The following MSH3 variants were observed in gnomAD, a reference collection of about 807,000 sequenced individuals.
MSH3 encodes DNA mismatch repair protein Msh3.
MSH3 carries 106 observed loss-of-function variants against 123.3 expected under a neutral mutation model. The ratio of observed to expected loss-of-function variants is 0.86; its 90% CI spans 0.73 to 1.01. The LOEUF is 1.01. Among genes scored for constraint, MSH3 ranks in the 50% least tolerant of loss-of-function variants. MSH3 has a pLI of 0.00. For missense variants in MSH3, 1,459 were observed against 1,347.6 expected, an observed-to-expected ratio of 1.08 and a Z score of -1.29; for synonymous variants, 515 against 481.4, an observed-to-expected ratio of 1.07 and a Z score of -0.91.
intron 21 of MSH3, among the ~76,000 whole-genome samples, chr5:80,854,804 A>G (rs140798443): frequency 2.9e-4 from 44 of 152,330 alleles, no homozygotes; most frequent in African/African-American, 9.6e-4. Flanking sequence ...GGTTGTACGA[A>G]AAAGGCCTTC....
In MSH3 at chr5:80,806,471, T is replaced by C. The variant is rs1381209672; in HGVS notation, c.2656-7113T>C. On this transcript the variant is annotated intron_variant, in intron 19 of 23. Coordinates refer to ENST00000265081, the MANE Select transcript of MSH3 (RefSeq NM_002439.5). ...TTTCTATATGGATAATCAATTGTTT[T>C]GTACCAGTTTTCAAATCATCCTTTT... Among the ~76,000 whole-genome samples, 3 of 152,386 alleles carry C rather than the reference T, an allele frequency of 2.0e-5. No individual in the cohort carries two copies. The East Asian group carries it at 5.8e-4, about 29-fold the overall frequency.
intron 21 of MSH3, among the ~76,000 whole-genome samples, chr5:80,859,570 T>A (rs1745975215): frequency 1.3e-5 from 2 of 152,194 alleles, no homozygotes; most frequent in South Asian, 4.1e-4. Flanking sequence ...TCAAAGTGAT[T>A]ATTGATAGAG....
intron 12 of MSH3, among the ~76,000 whole-genome samples, chr5:80,748,546 G>A (rs969288949): frequency 4.1e-4 from 62 of 152,010 alleles, no homozygotes; most frequent in African/African-American, 1.5e-3. Flanking sequence ...ATTCTTCAGT[G>A]TAGTTGTTTT....
At chr5:80,742,542 T>C (rs1025924906) in intron 11 of MSH3, among the ~76,000 whole-genome samples, 11 of 152,220 alleles carry the variant, frequency 7.2e-5, no homozygotes, top group African/African-American at 2.7e-4. Flanking sequence ...GTTAAAACTC[T>C]TCAGAAATAT....
chr5:80,868,010 G>A (rs1485883099), intron 22 of MSH3, among the ~76,000 whole-genome samples: 2 of 152,062 alleles, frequency 1.3e-5, no homozygotes, highest in African/African-American at 4.8e-5. Context: ...CCTATGTACA[G>A]AATGATAAAA....
chr5:80,700,698 T>A (rs1397620248), intron 8 of MSH3, among the ~76,000 whole-genome samples: 1 of 152,186 alleles, frequency 6.6e-6, no homozygotes, highest in Non-Finnish European at 1.5e-5. Flanking sequence ...ACATTTGCCA[T>A]GAGTTTATTT....
rs2112808989 is a variant in MSH3 at position 80,665,353 on chromosome 5, T to C, written c.569T>C (p.Ile190Thr). 6.2e-7 allele frequency: 1 copy of C among 1,611,500 alleles called. No individual in the cohort carries two copies. Among genetic ancestry groups the C allele is most frequent in the South Asian group, 1.1e-5 (1 of 90,944 alleles). The change falls in exon 3 of 24, where the codon ATT becomes ACT. Residue 190 changes from isoleucine to threonine, a missense_variant. By Grantham distance (89) the Ile-to-Thr change is moderately conservative. Coordinates refer to ENST00000265081, the MANE Select transcript of MSH3 (RefSeq NM_002439.5). ...TCTTCTGAAGATTCGAAACGTCAAA[T>C]TAATCAAAAGGTATGTAACTGCTAT... is the stretch of plus-strand genomic sequence containing the variant. ...AVSSEDSKRQINQKDTTLFDL... is the reference protein window; with the variant it reads ...AVSSEDSKRQTNQKDTTLFDL...
At chr5:80,827,813 ATCT>A (rs1646453804) in intron 20 of MSH3, among the ~76,000 whole-genome samples, 1 of 152,214 alleles carries the variant, frequency 6.6e-6, no homozygotes, top group African/African-American at 2.4e-5. Context: ...TCCCAGGCAA[ATCT>A]TCTGATTGAA....
At chr5:80,831,691 C>CAA (rs201171665) in intron 20 of MSH3, among the ~76,000 whole-genome samples, 103 of 122,672 alleles carry the variant, frequency 8.4e-4, no homozygotes, top group Middle Eastern at 4.5e-3. Flanking sequence ...ATGTAATATC[C>CAA]AAAAAAAAAA....
At position 80,744,497 on chromosome 5, in the gene MSH3, CT is replaced by C; in HGVS notation, c.1654-6del. 6.2e-7 allele frequency: 1 copy of C among 1,601,240 alleles called. No individual in the cohort carries two copies. Among genetic ancestry groups the C allele is most frequent in the Non-Finnish European group, 8.6e-7 (1 of 1,169,296 alleles). The stretch of plus-strand genomic sequence containing the variant: ...TAGTTAATAAAACTTGTTTTCTGGT[CT>C]TTCTTAGACTGATATGAAAACCAAA... On this transcript the variant is annotated splice_polypyrimidine_tract_variant and splice_region_variant and intron_variant, in intron 11 of 23. Coordinates refer to ENST00000265081, the MANE Select transcript of MSH3 (RefSeq NM_002439.5).
At chr5:80,716,812 A>G (rs1454488744) in intron 8 of MSH3, among the ~76,000 whole-genome samples, 1 of 152,198 alleles carries the variant, frequency 6.6e-6, no homozygotes, top group Non-Finnish European at 1.5e-5. Context: ...GCTATCAAAC[A>G]CTAGAACTTA....
intron 4 of MSH3, 79 bp from the exon 5 acceptor site, chr5:80,672,165 T>C (rs1210483202): frequency 1.9e-6 from 2 of 1,028,236 alleles, no homozygotes; most frequent in African/African-American, 3.2e-5. Context: ...CCTTGATTAA[T>C]TTTTAATAAA....
At chr5:80,871,193 A>T (rs1321283148) in intron 22 of MSH3, among the ~76,000 whole-genome samples, 1 of 152,030 alleles carries the variant, frequency 6.6e-6, no homozygotes, top group Non-Finnish European at 1.5e-5. Context: ...CCTGCAGAGA[A>T]CTCTGAGGCT....
At chr5:80,782,352 G>A (rs1420511742) in intron 17 of MSH3, among the ~76,000 whole-genome samples, 1 of 43,366 alleles carries the variant, frequency 2.3e-5, no homozygotes, top group African/African-American at 7.9e-5. Flanking sequence ...ACACATACAG[G>A]CTTTTTTTTT....
At chr5:80,758,714 T>C (rs1163494255) in intron 12 of MSH3, among the ~76,000 whole-genome samples, 1 of 152,204 alleles carries the variant, frequency 6.6e-6, no homozygotes, top group East Asian at 1.9e-4. Flanking sequence ...CTCTAAGAAA[T>C]TTATAGTTTT....
chr5:80,720,072 A>G (rs1050539350), intron 8 of MSH3, among the ~76,000 whole-genome samples: 1 of 152,160 alleles, frequency 6.6e-6, no homozygotes, highest in Non-Finnish European at 1.5e-5. Flanking sequence ...AAGATTGGCT[A>G]AGCTTAAAAT....
Position 80,875,947 on chromosome 5 carries a change from G to T in MSH3, c.*85G>T, listed in dbSNP as rs887256618. The stretch of plus-strand genomic sequence containing the variant: ...AACTCTCCAGTAACAGCCTATCTTT[G>T]TGTGACATGTGAGCATAAAATTATG... On this transcript the variant is annotated 3_prime_UTR_variant, in exon 24 of 24. Coordinates refer to ENST00000265081, the MANE Select transcript of MSH3 (RefSeq NM_002439.5). The T allele has an allele frequency of 2.5e-6, 2 of 811,792 alleles. No homozygotes were observed. Among genetic ancestry groups the T allele is most frequent in the African/African-American group, 3.4e-5 (2 of 58,536 alleles). 50.3% of individuals were successfully genotyped at this position (811,792 alleles called of 1,614,324 possible). A position where few individuals can be genotyped will look rare whatever the true frequency, so the allele number is the denominator to read the frequency against.
intron 20 of MSH3, among the ~76,000 whole-genome samples, chr5:80,821,884 G>C (rs1262220849): frequency 1.3e-5 from 2 of 152,202 alleles, no homozygotes; most frequent in Non-Finnish European, 2.9e-5. Flanking sequence ...GGACTTGGGG[G>C]CTAATGTAAA....
chr5:80,759,730 G>A (rs1346991883), intron 12 of MSH3, among the ~76,000 whole-genome samples: 4 of 152,140 alleles, frequency 2.6e-5, no homozygotes, highest in Non-Finnish European at 2.9e-5. Flanking sequence ...AATGGAAGTG[G>A]GGAGGAAAGT....
Sources: gnomAD v4.1 joint callset for allele counts (sites outside exome capture counted in the v4.1 genomes callset) on GRCh38, gnomAD v4.1.1 for gene constraint, MANE v1.5 for transcripts, NCBI Gene and HGNC (gene_info 2026-07-23, HGNC 2026-07-21) for gene names.